Variants in SNX29 observed in about 807,000 individuals in gnomAD.
SNX29 encodes the protein sorting nexin 29, also known as sorting nexin-29.
Under a neutral mutation model 102.1 loss-of-function variants are expected in SNX29, and 78 were observed. The observed-to-expected ratio is 0.76, with a 90% CI of 0.64 to 0.92. The LOEUF is 0.92. Among genes scored for constraint, SNX29 ranks in the 40% least tolerant of loss-of-function variants. The probability of loss-of-function intolerance (pLI) is 0.00; values close to 1 mark genes in which losing one functional copy is unlikely to be tolerated. For missense variants in SNX29, 1,280 were observed against 1,061.7 expected (o/e 1.21, Z -2.86); for synonymous variants, 580 against 414.5 (o/e 1.40, Z -4.85).
chr16:12,017,238 A>G (rs552929307), intron 3 of SNX29, among the ~76,000 whole-genome samples: 14 of 152,332 alleles, frequency 9.2e-5, no homozygotes, highest in Non-Finnish European at 1.6e-4. Flanking sequence ...TGCTAGCACT[A>G]TGATTGCTTT....
intron 15 of SNX29, among the ~76,000 whole-genome samples, chr16:12,291,780 C>A (rs955320265): frequency 3.9e-5 from 6 of 152,070 alleles, no homozygotes; most frequent in African/African-American, 1.4e-4. Flanking sequence ...GGGATGGATC[C>A]CCAGATGAAA....
At chr16:12,144,903 A>G (rs899585716) in intron 13 of SNX29, among the ~76,000 whole-genome samples, 4 of 152,154 alleles carry the variant, frequency 2.6e-5, no homozygotes, top group Non-Finnish European at 4.4e-5. Context: ...TTGTATTTTT[A>G]GTAGAGACGG....
chr16:12,409,984 T>G (rs79692340), intron 18 of SNX29, among the ~76,000 whole-genome samples: 5,443 of 152,122 alleles, frequency 0.036, 183 homozygotes, highest in East Asian at 0.2. Context: ...AAGCGTTTTT[T>G]TTGTTGTTGT....
chr16:12,500,766 C>T (rs990120256), intron 19 of SNX29, among the ~76,000 whole-genome samples: 1 of 152,226 alleles, frequency 6.6e-6, no homozygotes, highest in Non-Finnish European at 1.5e-5. Flanking sequence ...TCTGCATGTT[C>T]ACAGGCCCCC....
chr16:12,224,452 A>G (rs1478433760), intron 14 of SNX29, among the ~76,000 whole-genome samples: 2 of 152,184 alleles, frequency 1.3e-5, no homozygotes, highest in African/African-American at 4.8e-5. Flanking sequence ...TGACTACACC[A>G]CAGGACGTGT....
chr16:12,133,001 G>C (rs1230450698), intron 13 of SNX29, among the ~76,000 whole-genome samples: 4 of 152,222 alleles, frequency 2.6e-5, no homozygotes, highest in African/African-American at 7.2e-5. Context: ...TGCTCGGGCA[G>C]TTGTTGCCTG....
At chr16:12,266,844 A>T (rs1053736577) in intron 14 of SNX29, among the ~76,000 whole-genome samples, 33 of 152,038 alleles carry the variant, frequency 2.2e-4, no homozygotes, top group Middle Eastern at 3.4e-3. Context: ...GCTCACTCCA[A>T]CCTCTGCCCC....
At chr16:12,201,694 G>A (rs952423318) in intron 14 of SNX29, among the ~76,000 whole-genome samples, 7 of 152,296 alleles carry the variant, frequency 4.6e-5, no homozygotes, top group Non-Finnish European at 5.9e-5. Context: ...AGATTTGCAC[G>A]TCTAGATAAT....
chr16:12,334,016 A>G (rs2081371644), intron 15 of SNX29, among the ~76,000 whole-genome samples: 2 of 152,150 alleles, frequency 1.3e-5, no homozygotes, highest in East Asian at 3.9e-4. Context: ...TGTTTGTTAA[A>G]TATCTGGGAT....
intron 14 of SNX29, among the ~76,000 whole-genome samples, chr16:12,255,735 T>G (rs2078553263): frequency 6.6e-6 from 1 of 152,232 alleles, no homozygotes; most frequent in East Asian, 1.9e-4. Flanking sequence ...GCTGAGTAGC[T>G]TTCCATTGTG....
At chr16:11,986,919 T>C (rs934883828) in intron 1 of SNX29, among the ~76,000 whole-genome samples, 6 of 152,182 alleles carry the variant, frequency 3.9e-5, no homozygotes, top group Non-Finnish European at 7.3e-5. Context: ...GGGGCTATAG[T>C]TGACTGACCC....
chr16:12,548,146 C>G lies in SNX29; in HGVS notation c.2319-20360C>G, dbSNP rs566218619. ...CAAGTAGGAATTTTCTATCCCTGTT[C>G]ATTCTTCATCTTGGCCACACACATT... On this transcript the variant is annotated intron_variant, in intron 20 of 20. Transcript: ENST00000566228. 9.2e-5 allele frequency among the ~76,000 whole-genome samples: 14 copies of G among 152,298 alleles called. No individual in the cohort carries two copies. In the South Asian group the frequency reaches 2.3e-3, roughly 25 times the overall value.
In SNX29 at chr16:12,353,597, TC is replaced by T. The variant is rs536928612; in HGVS notation, c.1783-2563del. Among the ~76,000 whole-genome samples the T allele has an allele frequency of 6.6e-5, 10 of 152,316 alleles. No individual in the cohort carries two copies. In the South Asian group the frequency reaches 2.1e-3, roughly 32 times the overall value. ...GCCTGAACCACCTCTCTCCGCCTCC[TC>T]CCTGCCAGCCTCTGGTGCCGGCATT... On this transcript the variant is annotated intron_variant, in intron 15 of 20. Transcript: ENST00000566228.
intron 19 of SNX29, among the ~76,000 whole-genome samples, chr16:12,515,841 C>T (rs914866566): frequency 7.9e-5 from 12 of 152,076 alleles, no homozygotes; most frequent in Admixed American, 2.0e-4. Context: ...GCACAATTAA[C>T]GCGAGTGCCA....
chr16:12,344,382 G>A (rs1246878069), intron 15 of SNX29, among the ~76,000 whole-genome samples: 1 of 152,152 alleles, frequency 6.6e-6, no homozygotes, highest in East Asian at 1.9e-4. Flanking sequence ...CTAAACCTCC[G>A]TGAGCCTCCA....
intron 19 of SNX29, among the ~76,000 whole-genome samples, chr16:12,501,769 T>C (rs933052356): frequency 6.9e-6 from 1 of 145,028 alleles, no homozygotes; most frequent in African/African-American, 2.5e-5. Flanking sequence ...GTAAAAGATC[T>C]ACATGGTTCC....
chr16:12,239,639 C>CAAAAAAAAAAAAAAAAAAAAA (rs61024203), intron 14 of SNX29, among the ~76,000 whole-genome samples: 1 of 62,566 alleles, frequency 1.6e-5, no homozygotes, highest in African/African-American at 6.3e-5. Context: ...CCTGTTTCTA[C>CAAAAAAAAAAAAAAAAAAAAA]AAAAAAAAAA....
rs9938909 is a variant in SNX29, at chr16:12,549,237, T to C, written c.2319-19269T>C. ...TCTGCCAGCCATGGTGGCTCATCCCTGTAATCCCAGCACTTTGGGAGGCTG... is the reference window on the plus strand; with the variant it reads ...TCTGCCAGCCATGGTGGCTCATCCCCGTAATCCCAGCACTTTGGGAGGCTG... On this transcript the variant is annotated intron_variant, in intron 20 of 20. Coordinates refer to ENST00000566228, the MANE Select transcript of SNX29 (RefSeq NM_032167.5). 2.0e-5 allele frequency among the ~76,000 whole-genome samples: 3 copies of C among 152,176 alleles called. No homozygotes were observed. The East Asian group carries it at 5.8e-4, about 29-fold the overall frequency.
intron 18 of SNX29, among the ~76,000 whole-genome samples, chr16:12,444,635 G>C (rs1033053457): frequency 2.0e-5 from 3 of 152,090 alleles, no homozygotes; most frequent in African/African-American, 7.2e-5. Flanking sequence ...CATTTTCCTG[G>C]ACTTTTTGAA....
Sources: allele counts gnomAD v4.1 joint callset (sites outside exome capture counted in the v4.1 genomes callset), GRCh38; gene constraint gnomAD v4.1.1; transcripts MANE v1.5; gene names NCBI Gene and HGNC (gene_info 2026-07-23, HGNC 2026-07-21).